TMEM51: variants seen among roughly 807,000 people sequenced by gnomAD.
The protein encoded by TMEM51 is chromosome 1 open reading frame 72.
A neutral mutation model predicts 13.6 loss-of-function variants in TMEM51; 8 were observed. The ratio of observed to expected loss-of-function variants is 0.59; its 90% CI spans 0.35 to 1.07. TMEM51 has a LOEUF of 1.07. Ranked by LOEUF, TMEM51 falls within the 50% of genes least tolerant of loss-of-function variation. The pLI is 0.02. For missense variants in TMEM51, 279 were observed against 330.7 expected (o/e 0.84, Z 1.21); for synonymous variants, 147 against 144.4 (o/e 1.02, Z -0.13).
chr1:15,199,680 G>T (rs11589108), intron 1 of TMEM51, among the ~76,000 whole-genome samples: 1,547 of 152,136 alleles, frequency 0.01, 26 homozygotes, highest in African/African-American at 0.035. Flanking sequence ...CTGTCACCAG[G>T]GCCCTCCAGC....
At chr1:15,216,406 T>A (rs141252367) in intron 3 of TMEM51, among the ~76,000 whole-genome samples, 400 of 152,338 alleles carry the variant, frequency 2.6e-3, no homozygotes, top group African/African-American at 9.1e-3. Flanking sequence ...GTTCAACCAA[T>A]AGATGTTCAA....
In TMEM51 at chr1:15,207,807, A is replaced by G. The variant is rs17405193; in HGVS notation, c.-266-2683A>G. ...GATACAGTCACTTTCTCAGGTCACA[A>G]CGGAAATCACATTTATTCTGCATAT... On this transcript the variant is annotated intron_variant, in intron 1 of 3. Coordinates refer to ENST00000376008, the MANE Select transcript of TMEM51 (RefSeq NM_001136218.2). This position sits in a 1 kb window ranked among gnomAD's most constrained non-coding sequence, Gnocchi z 4.6. Among the ~76,000 whole-genome samples, 11,430 of 152,288 alleles carry G rather than the reference A, an allele frequency of 0.075. 570 individuals are homozygous for G. Among genetic ancestry groups the G allele is most frequent in the Middle Eastern group, 0.11 (31 of 294 alleles).
chr1:15,171,373 G>A (rs1643267919), intron 1 of TMEM51: 2 of 1,247,474 alleles, frequency 1.6e-6, no homozygotes, highest in Non-Finnish European at 2.1e-6. Flanking sequence ...AGGGGGGGCG[G>A]CAGAAAGGAA....
intron 1 of TMEM51, among the ~76,000 whole-genome samples, chr1:15,171,747 A>G (rs910042351): frequency 5.3e-5 from 8 of 152,322 alleles, no homozygotes; most frequent in Admixed American, 3.3e-4. Flanking sequence ...AAGTAGTTCC[A>G]GCTTAACCAA....
intron 1 of TMEM51, among the ~76,000 whole-genome samples, chr1:15,180,304 T>G (rs1643575836): frequency 6.6e-6 from 1 of 152,192 alleles, no homozygotes; most frequent in African/African-American, 2.4e-5. Flanking sequence ...CAAGACCAGC[T>G]CTAAGCTATG....
intron 1 of TMEM51, among the ~76,000 whole-genome samples, chr1:15,178,618 T>C (rs1643520950): frequency 6.6e-6 from 1 of 152,188 alleles, no homozygotes; most frequent in Non-Finnish European, 1.5e-5. Flanking sequence ...ATATACCTCA[T>C]ATACTCCAGT....
At chr1:15,218,246 C>T (rs1187988624) in intron 3 of TMEM51, among the ~76,000 whole-genome samples, 2 of 152,196 alleles carry the variant, frequency 1.3e-5, no homozygotes, top group Non-Finnish European at 2.9e-5. Context: ...GATAAAATTA[C>T]AGAATAATTT....
intron 1 of TMEM51, among the ~76,000 whole-genome samples, chr1:15,170,368 T>G (rs1263484361): frequency 6.6e-6 from 1 of 151,166 alleles, no homozygotes. Flanking sequence ...CTTTTTTTTT[T>G]TTTGAGATGG....
intron 1 of TMEM51, among the ~76,000 whole-genome samples, chr1:15,180,417 G>A (rs1028234380): frequency 6.6e-6 from 1 of 152,218 alleles, no homozygotes; most frequent in African/African-American, 2.4e-5. Flanking sequence ...CAGGGCTGCA[G>A]ACACACATCA....
At chr1:15,210,159 T>C (rs78030874) in intron 1 of TMEM51, among the ~76,000 whole-genome samples, 2,128 of 152,310 alleles carry the variant, frequency 0.014, 38 homozygotes, top group Non-Finnish European at 0.022. Context: ...CTTGTTCTTT[T>C]CTAGTTTTGG....
At chr1:15,184,176 G>A (rs114314880) in intron 1 of TMEM51, among the ~76,000 whole-genome samples, 2,256 of 102,704 alleles carry the variant, frequency 0.022, 59 homozygotes, top group African/African-American at 0.064. Flanking sequence ...TCAGGCGTGC[G>A]CCACCACACC....
At chr1:15,211,415 T>C (rs1344835159) in intron 2 of TMEM51, among the ~76,000 whole-genome samples, 1 of 152,224 alleles carries the variant, frequency 6.6e-6, no homozygotes, top group Non-Finnish European at 1.5e-5. Context: ...CCATTGAGAA[T>C]ACAAGCTCTA....
At chr1:15,155,888 A>C (rs1033154928) in intron 1 of TMEM51, among the ~76,000 whole-genome samples, 1 of 152,196 alleles carries the variant, frequency 6.6e-6, no homozygotes, top group Non-Finnish European at 1.5e-5. Flanking sequence ...TAAGCAGGGA[A>C]GTCGTCTGAT....
chr1:15,168,585 C>G (rs1167199859), intron 1 of TMEM51: 3 of 1,304,518 alleles, frequency 2.3e-6, no homozygotes, highest in African/African-American at 1.5e-5. Context: ...GGAACTGTGC[C>G]TGGCTGAGCC....
chr1:15,154,163 C>T (rs532873351), intron 1 of TMEM51, among the ~76,000 whole-genome samples: 1 of 152,206 alleles, frequency 6.6e-6, no homozygotes, highest in South Asian at 2.1e-4. Flanking sequence ...GACGCTCCCG[C>T]CTCCCGGGCA....
At position 15,215,515 on chromosome 1, in the gene TMEM51, GAA is replaced by G. The variant is rs111267878; in HGVS notation, c.344+87_344+88del. On this transcript the variant is annotated intron_variant, in intron 3 of 3. Transcript: ENST00000376008. Reference sequence around the variant, plus strand: ...ACACATGTTCACACCTTTCCGTGGTGAAAAGACTGTCATCTACAGGCTTTATT... The same window carrying G: ...ACACATGTTCACACCTTTCCGTGGTGAAGACTGTCATCTACAGGCTTTATT... 1.4e-4 allele frequency: 180 copies of G among 1,268,102 alleles called. 1 individual carries two copies. The African/African-American group carries it at 2.4e-3, about 17-fold the overall frequency. The allele number at this position is 1,268,102 out of a possible 1,614,324, so 78.6% of individuals were successfully genotyped here. A position where few individuals can be genotyped will look rare whatever the true frequency, so the allele number is the denominator to read the frequency against.
chr1:15,167,326 CAAAAAAAAAAAAAA>C (rs555274126), intron 1 of TMEM51, among the ~76,000 whole-genome samples: 8 of 69,450 alleles, frequency 1.2e-4, no homozygotes, highest in East Asian at 9.2e-4. Context: ...GACTCCATCT[CAAAAAAAAAAAAAA>C]AAAAAAAAAA....
chr1:15,156,211 G>T (rs1350450793), intron 1 of TMEM51, among the ~76,000 whole-genome samples: 1 of 152,172 alleles, frequency 6.6e-6, no homozygotes, highest in Non-Finnish European at 1.5e-5. Context: ...CGACTCTCCG[G>T]CTCGCTGGCT....
At chr1:15,171,413 T>A (rs1340292441) in intron 1 of TMEM51, 1 of 1,073,050 alleles carries the variant, frequency 9.3e-7, no homozygotes, top group African/African-American at 1.6e-5. Context: ...ACCAGGGGCA[T>A]CGCCACCTGG....
Sources: allele counts gnomAD v4.1 joint callset (sites outside exome capture counted in the v4.1 genomes callset), GRCh38; gene constraint gnomAD v4.1.1; non-coding constraint Gnocchi (gnomAD v3.1); transcripts MANE v1.5; gene names NCBI Gene and HGNC (gene_info 2026-07-23, HGNC 2026-07-21).